The following FGGY variants were observed in gnomAD, a reference collection of about 807,000 sequenced individuals.
The protein encoded by FGGY is FGGY carbohydrate kinase domain containing, also known as FGGY carbohydrate kinase domain-containing protein.
A neutral mutation model predicts 71.3 loss-of-function variants in FGGY; 72 were observed. The observed-to-expected ratio is 1.01, with a 90% CI of 0.84 to 1.23. FGGY has a LOEUF of 1.23. Ranked by LOEUF, FGGY falls within the 50% of genes most tolerant of loss-of-function variation. The pLI is 0.00. For synonymous variants in FGGY, 251 were observed against 250.3 expected (o/e 1.00, Z -0.02); for missense variants, 668 against 682.3 (o/e 0.98, Z 0.23).
intron 14 of FGGY, among the ~76,000 whole-genome samples, chr1:59,721,518 C>A (rs12095505): frequency 0.032 from 4,809 of 151,218 alleles, 248 homozygotes; most frequent in African/African-American, 0.11. Flanking sequence ...TTGTATTTTT[C>A]GTAGAGACAG....
chr1:59,302,426 T>C (rs1432961003), intron 1 of FGGY, among the ~76,000 whole-genome samples: 1 of 152,156 alleles, frequency 6.6e-6, no homozygotes, highest in Non-Finnish European at 1.5e-5. Flanking sequence ...CGGTCAATGG[T>C]AGATTGGATA....
chr1:59,736,218 C>T (rs2098101899), intron 14 of FGGY, among the ~76,000 whole-genome samples: 2 of 152,102 alleles, frequency 1.3e-5, no homozygotes, highest in Admixed American at 6.6e-5. Context: ...TCCAATTAAA[C>T]CTCTTTCTTT....
chr1:59,550,054 G>T (rs752062046), intron 7 of FGGY, among the ~76,000 whole-genome samples: 14 of 152,010 alleles, frequency 9.2e-5, no homozygotes, highest in African/African-American at 1.7e-4. Context: ...CCATCAGTTG[G>T]GCATTGTGCA....
At chr1:59,613,966 A>AAT (rs1412026597) in intron 9 of FGGY, among the ~76,000 whole-genome samples, 1 of 151,936 alleles carries the variant, frequency 6.6e-6, no homozygotes, top group African/African-American at 2.4e-5. Context: ...TGAATCTCTG[A>AAT]ATAGACCAAT....
At chr1:59,433,506 G>A (rs1053878594) in intron 5 of FGGY, among the ~76,000 whole-genome samples, 6 of 152,110 alleles carry the variant, frequency 3.9e-5, no homozygotes, top group African/African-American at 1.4e-4. Context: ...GGCCTTCACG[G>A]GGAATACCAG....
At chr1:59,418,874 G>A (rs2153438502) in intron 5 of FGGY, among the ~76,000 whole-genome samples, 1 of 152,258 alleles carries the variant, frequency 6.6e-6, no homozygotes, top group Admixed American at 6.5e-5. Context: ...ACATGGCTGT[G>A]TTCTAATGGA....
chr1:59,749,175 T>G (rs959662726), intron 14 of FGGY, among the ~76,000 whole-genome samples: 7 of 152,202 alleles, frequency 4.6e-5, no homozygotes, highest in Admixed American at 3.9e-4. Context: ...TCTCTTCCAT[T>G]TGGCTGTTCC....
intron 7 of FGGY, among the ~76,000 whole-genome samples, chr1:59,515,155 T>A (rs547864751): frequency 1.3e-5 from 2 of 152,272 alleles, no homozygotes; most frequent in Admixed American, 6.5e-5. Flanking sequence ...GGAACCCACC[T>A]CTTGCATCAG....
At chr1:59,601,039 T>C (rs774091137) in intron 8 of FGGY, among the ~76,000 whole-genome samples, 36 of 149,806 alleles carry the variant, frequency 2.4e-4, no homozygotes, top group Non-Finnish European at 4.1e-4. Context: ...GGATTGTGTA[T>C]AAATGGTTTT....
At chr1:59,692,917 C>T (rs1230106718) in intron 14 of FGGY, among the ~76,000 whole-genome samples, 1 of 152,194 alleles carries the variant, frequency 6.6e-6, no homozygotes, top group Non-Finnish European at 1.5e-5. Context: ...AAACTCTGGA[C>T]TTGGCATCAG....
intron 2 of FGGY, among the ~76,000 whole-genome samples, chr1:59,330,952 G>C (rs932049386): frequency 6.6e-6 from 1 of 152,214 alleles, no homozygotes; most frequent in Non-Finnish European, 1.5e-5. Context: ...ACATCCTGAT[G>C]AGTTTCAGAG....
intron 14 of FGGY, among the ~76,000 whole-genome samples, chr1:59,681,919 G>T (rs562287950): frequency 6.6e-6 from 1 of 152,208 alleles, no homozygotes; most frequent in African/African-American, 2.4e-5. Context: ...AGATGATCAA[G>T]AATATGCAGA....
At chr1:59,395,209 T>C (rs2153388490) in intron 5 of FGGY, among the ~76,000 whole-genome samples, 1 of 152,234 alleles carries the variant, frequency 6.6e-6, no homozygotes, top group African/African-American at 2.4e-5. Flanking sequence ...TATTCACTTT[T>C]ATAACCCCGG....
At chr1:59,301,475 G>A (rs2042726678) in intron 1 of FGGY, among the ~76,000 whole-genome samples, 1 of 152,068 alleles carries the variant, frequency 6.6e-6, no homozygotes, top group Non-Finnish European at 1.5e-5. Context: ...CAGAACCATT[G>A]CTTTGCATAG....
intron 6 of FGGY, among the ~76,000 whole-genome samples, chr1:59,464,977 A>C (rs1459897196): frequency 6.6e-6 from 1 of 152,246 alleles, no homozygotes; most frequent in Non-Finnish European, 1.5e-5. Flanking sequence ...TATTCCAATC[A>C]ATAGAAAAAG....
At chr1:59,409,598 T>TATATATATATA (rs1553185795) in intron 5 of FGGY, among the ~76,000 whole-genome samples, 34 of 105,768 alleles carry the variant, frequency 3.2e-4, no homozygotes, top group African/African-American at 1.0e-3. Flanking sequence ...GAAGAGTTTT[T>TATATATATATA]TATATATATA....
intron 8 of FGGY, among the ~76,000 whole-genome samples, chr1:59,587,246 G>T (rs541700736): frequency 1.3e-5 from 2 of 152,258 alleles, no homozygotes; most frequent in East Asian, 3.9e-4. Flanking sequence ...TGGGGGAGGG[G>T]CGCCCGCCAT....
Position 59,583,452 on chromosome 1 carries a change from G to A in FGGY, c.904-24351G>A, listed in dbSNP as rs147814017. On this transcript the variant is annotated intron_variant, in intron 8 of 15. Transcript: ENST00000303721. ...GAATAATTCATTTGATATTTCAGAG[G>A]CTTCATTTCTTCATCTAAGAACATG... Among the ~76,000 whole-genome samples, 224 of 143,626 alleles carry A rather than the reference G, an allele frequency of 1.6e-3. 43 individuals are homozygous for A. The highest frequency in any genetic ancestry group is 5.9e-3 in the African/African-American group (217 of 36,828). 94.2% of individuals were successfully genotyped at this position (143,626 alleles called of 152,430 possible).
chr1:59,366,988 A>G (rs1231603276), intron 4 of FGGY, among the ~76,000 whole-genome samples: 2 of 152,198 alleles, frequency 1.3e-5, no homozygotes, highest in Admixed American at 6.5e-5. Context: ...AGATGAGCCC[A>G]GAAAGTCATC....
Sources: gnomAD v4.1 joint callset for allele counts (sites outside exome capture counted in the v4.1 genomes callset) on GRCh38, gnomAD v4.1.1 for gene constraint, MANE v1.5 for transcripts, NCBI Gene and HGNC (gene_info 2026-07-23, HGNC 2026-07-21) for gene names.